ABR: variants seen among roughly 807,000 people sequenced by gnomAD.
ABR encodes the protein ABR activator of RhoGEF and GTPase.
Under a neutral mutation model 107.2 loss-of-function variants are expected in ABR, and 35 were observed. The ratio of observed to expected loss-of-function variants is 0.33; its 90% CI spans 0.25 to 0.43. The LOEUF (loss-of-function observed/expected upper bound fraction) is 0.43. ABR is among the 20% of genes least tolerant of loss of function. The probability of loss-of-function intolerance (pLI) is 1.00; values close to 1 mark genes in which losing one functional copy is unlikely to be tolerated. For missense variants in ABR, 815 were observed against 1,115.2 expected (o/e 0.73, Z 3.83); for synonymous variants, 498 against 462.0 (o/e 1.08, Z -1.00).
intron 16 of ABR, among the ~76,000 whole-genome samples, chr17:1,031,408 G>A (rs1363589863): frequency 2.0e-5 from 3 of 152,148 alleles, no homozygotes; most frequent in Admixed American, 6.5e-5. Context: ...GGTCCGGGTG[G>A]GGGCGGCCCC....
chr17:1,201,884 A>G (rs1320025301), intron 1 of ABR, among the ~76,000 whole-genome samples: 1 of 152,096 alleles, frequency 6.6e-6, no homozygotes, highest in Non-Finnish European at 1.5e-5. Context: ...TCACCGTGTT[A>G]GCCAGGATGC....
intron 1 of ABR, among the ~76,000 whole-genome samples, chr17:1,224,145 G>A (rs2043172102): frequency 6.6e-6 from 1 of 151,868 alleles, no homozygotes; most frequent in East Asian, 1.9e-4. Flanking sequence ...CCTGGGGAGA[G>A]GCAGGCCTGA....
intron 1 of ABR, among the ~76,000 whole-genome samples, chr17:1,152,083 A>G (rs1440684046): frequency 2.6e-5 from 4 of 151,398 alleles, no homozygotes; most frequent in Non-Finnish European, 5.9e-5. Flanking sequence ...AGGTCAGGAA[A>G]TCGAGACCAT....
At chr17:1,224,833 A>G in intron 1 of ABR, among the ~76,000 whole-genome samples, 1 of 151,888 alleles carries the variant, frequency 6.6e-6, no homozygotes, top group African/African-American at 2.4e-5. Context: ...CACCACCACA[A>G]CTGACTGATT....
At chr17:1,087,472 G>A (rs2151278477) in intron 4 of ABR, among the ~76,000 whole-genome samples, 1 of 152,254 alleles carries the variant, frequency 6.6e-6, no homozygotes, top group Middle Eastern at 3.4e-3. Flanking sequence ...TGACGCCAAG[G>A]CCAGAGGCAT....
At chr17:1,049,574 A>T (rs1449877791) in intron 16 of ABR, among the ~76,000 whole-genome samples, 1 of 152,104 alleles carries the variant, frequency 6.6e-6, no homozygotes, top group Non-Finnish European at 1.5e-5. Flanking sequence ...CCTAACAACA[A>T]GTCAGAGACC....
chr17:1,146,153 T>A (rs2040513556), intron 1 of ABR, among the ~76,000 whole-genome samples: 1 of 152,018 alleles, frequency 6.6e-6, no homozygotes, highest in East Asian at 1.9e-4. Context: ...ACATTCGACG[T>A]CACCATTCCT....
At chr17:1,013,008 C>T (rs1372651393) in intron 17 of ABR, 97 bp downstream of exon 17, 30 of 1,443,308 alleles carry the variant, frequency 2.1e-5, no homozygotes, top group South Asian at 1.4e-4. Context: ...GGCGGCACAG[C>T]GGCCCCAGGA....
intron 8 of ABR, among the ~76,000 whole-genome samples, chr17:1,072,105 T>C (rs923325034): frequency 1.3e-5 from 2 of 152,212 alleles, no homozygotes; most frequent in African/African-American, 4.8e-5. Context: ...GGCTTCACCA[T>C]GTTGGCCAGG....
In ABR at chr17:1,092,842, T is replaced by C. The variant is rs2037124205; in HGVS notation, c.346-992A>G. 6.6e-6 allele frequency among the ~76,000 whole-genome samples: 1 copy of C among 151,794 alleles called. No individual in the cohort carries two copies. The highest frequency in any genetic ancestry group is 1.5e-5 in the Non-Finnish European group (1 of 67,884). On this transcript the variant is annotated intron_variant, in intron 3 of 22. Coordinates refer to ENST00000302538, the MANE Select transcript of ABR (RefSeq NM_021962.5). This position sits in a 1 kb window ranked among gnomAD's most constrained non-coding sequence, Gnocchi z 4.6. ...GAGAGCAGCCACGTCGAATTCTTTT[T>C]TTTTTGGAGACGGAGTCTCGCTCTG...
At chr17:1,079,470 G>T in intron 5 of ABR, 80 bp from the exon 6 acceptor site, 2 of 1,356,662 alleles carry the variant, frequency 1.5e-6, no homozygotes, top group South Asian at 2.5e-5. Flanking sequence ...GGCAAGAAGG[G>T]GAGTTCTGAA....
At chr17:1,108,149 G>A (rs1035553891) in intron 2 of ABR, among the ~76,000 whole-genome samples, 5 of 152,264 alleles carry the variant, frequency 3.3e-5, no homozygotes, top group African/African-American at 1.2e-4. Context: ...CCAGAGAGCA[G>A]CTGAGCAAAA....
intron 2 of ABR, among the ~76,000 whole-genome samples, chr17:1,112,523 A>T (rs2151400094): frequency 6.8e-6 from 1 of 146,372 alleles, no homozygotes; most frequent in Admixed American, 6.8e-5. Flanking sequence ...TTTGAGCTCA[A>T]GAGTTGGAGG....
intron 16 of ABR, chr17:1,039,735 T>C (rs933701133): frequency 6.6e-6 from 1 of 150,528 alleles, no homozygotes; most frequent in African/African-American, 2.5e-5. Flanking sequence ...GGCACAGGGG[T>C]GGGGGTGGCG....
At chr17:1,218,901 G>C (rs537927038) in intron 1 of ABR, among the ~76,000 whole-genome samples, 3 of 152,128 alleles carry the variant, frequency 2.0e-5, no homozygotes, top group African/African-American at 4.8e-5. Context: ...CAAGGAAATC[G>C]CGTTTTTCAG....
chr17:1,060,562 C>T (rs983865916), intron 10 of ABR, among the ~76,000 whole-genome samples: 6 of 152,196 alleles, frequency 3.9e-5, no homozygotes, highest in African/African-American at 1.4e-4. Flanking sequence ...GAAGAATACA[C>T]CTCAAACTGT....
intron 1 of ABR, among the ~76,000 whole-genome samples, chr17:1,151,523 C>T (rs1029412851): frequency 6.6e-6 from 1 of 152,172 alleles, no homozygotes; most frequent in African/African-American, 2.4e-5. Context: ...CACAAAGGGC[C>T]TCGGTCAGCC....
At chr17:1,081,803 C>T (rs1279119159) in intron 5 of ABR, among the ~76,000 whole-genome samples, 1 of 152,002 alleles carries the variant, frequency 6.6e-6, no homozygotes, top group African/African-American at 2.4e-5. Context: ...TCTCAAACTC[C>T]TGACCTCAGG....
At position 1,179,913 on chromosome 17, in the gene ABR, A is replaced by G; in HGVS notation, c.-186T>C. The G allele has an allele frequency of 2.7e-6, 1 of 368,404 alleles. No individual in the cohort carries two copies. Among genetic ancestry groups the G allele is most frequent in the Non-Finnish European group, 4.5e-6 (1 of 222,208 alleles). 22.8% of individuals were successfully genotyped at this position (368,404 alleles called of 1,614,324 possible). On this transcript the variant is annotated 5_prime_UTR_variant, in exon 1 of 23. Coordinates refer to ENST00000302538, the MANE Select transcript of ABR (RefSeq NM_021962.5). This position sits in a 1 kb window ranked among gnomAD's most constrained non-coding sequence, Gnocchi z 4.9. ...GCGAGGGCGGGGCGGGAGCCCCCAA[A>G]ACCCTCCCGAACCCTCCCGGCCCCA...
Sources: gnomAD v4.1 joint callset for allele counts (sites outside exome capture counted in the v4.1 genomes callset) on GRCh38, gnomAD v4.1.1 for gene constraint, Gnocchi (gnomAD v3.1) non-coding constraint, MANE v1.5 for transcripts, NCBI Gene and HGNC (gene_info 2026-07-23, HGNC 2026-07-21) for gene names.